Variants in WDR19 observed in about 807,000 individuals in gnomAD.
The protein encoded by WDR19 is WD repeat-containing protein 19.
A neutral mutation model predicts 180.0 loss-of-function variants in WDR19; 121 were observed. That is an observed-to-expected ratio of 0.67 (90% CI 0.58 to 0.78). WDR19 has a LOEUF of 0.78. WDR19 is among the 30% of genes least tolerant of loss of function. WDR19 has a pLI of 0.00. For synonymous variants in WDR19, 497 were observed against 540.7 expected (o/e 0.92, Z 1.12); for missense variants, 1,450 against 1,640.7 (o/e 0.88, Z 2.01).
chr4:39,188,618 C>CAA (rs60149380), intron 3 of WDR19, among the ~76,000 whole-genome samples: 36 of 81,104 alleles, frequency 4.4e-4, no homozygotes, highest in Middle Eastern at 6.5e-3. Flanking sequence ...GACCTTGTCT[C>CAA]AAAAAAAAAA....
chr4:39,246,292 G>A (rs1384825676), intron 24 of WDR19, among the ~76,000 whole-genome samples: 2 of 152,296 alleles, frequency 1.3e-5, no homozygotes, highest in South Asian at 2.1e-4. Context: ...GATCACTTGA[G>A]GCCAGGAGTT....
At chr4:39,233,871 G>A (rs1461419360) in intron 19 of WDR19, among the ~76,000 whole-genome samples, 1 of 152,170 alleles carries the variant, frequency 6.6e-6, no homozygotes, top group African/African-American at 2.4e-5. Flanking sequence ...TGTGCTGCTA[G>A]ACTTGGAAAG....
chr4:39,183,838 G>A (rs565852200), intron 1 of WDR19, among the ~76,000 whole-genome samples: 1 of 151,984 alleles, frequency 6.6e-6, no homozygotes, highest in Admixed American at 6.6e-5. Context: ...TCCTCTGCAC[G>A]GTATGTGGAG....
chr4:39,202,416 T>C (rs1309989506), intron 6 of WDR19, among the ~76,000 whole-genome samples: 1 of 152,164 alleles, frequency 6.6e-6, no homozygotes, highest in Non-Finnish European at 1.5e-5. Flanking sequence ...CTCATACATA[T>C]GAAAAAAATT....
chr4:39,214,571 AT>A (rs773289411), intron 9 of WDR19, 29 bp from the exon 10 acceptor site: 24 of 1,317,030 alleles, frequency 1.8e-5, no homozygotes, highest in Non-Finnish European at 2.5e-5. Context: ...GATCATATAT[AT>A]TTTTTAATAA....
chr4:39,184,447 C>T (rs1053166378), intron 1 of WDR19, among the ~76,000 whole-genome samples: 2 of 151,678 alleles, frequency 1.3e-5, no homozygotes, highest in African/African-American at 2.4e-5. Context: ...AACCTCACTG[C>T]TTTGTGTTTG....
chr4:39,273,256 A>G, intron 32 of WDR19, 195 bp downstream of exon 32: 6 of 541,434 alleles, frequency 1.1e-5, no homozygotes, highest in Non-Finnish European at 1.9e-5. Flanking sequence ...ACAAGAGTCA[A>G]CACACAGTAG....
At chr4:39,204,240 G>A (rs111342661) in intron 7 of WDR19, among the ~76,000 whole-genome samples, 45,736 of 151,666 alleles carry the variant, frequency 0.3, 6,959 homozygotes, top group Non-Finnish European at 0.31. Flanking sequence ...CATGCGCCAC[G>A]ACACCCAGCT....
At chr4:39,204,682 T>C (rs1727765118) in intron 7 of WDR19, among the ~76,000 whole-genome samples, 3 of 152,208 alleles carry the variant, frequency 2.0e-5, no homozygotes, top group South Asian at 2.1e-4. Flanking sequence ...GACACTAGTT[T>C]AGCCAACACT....
At chr4:39,205,480 A>C (rs1577872980) in intron 8 of WDR19, 83 bp from the exon 9 acceptor site, 2 of 1,436,848 alleles carry the variant, frequency 1.4e-6, no homozygotes, top group East Asian at 4.8e-5. Context: ...TAATTCCTTA[A>C]TTTTAAGGTA....
At chr4:39,193,670 C>T (rs1480340086) in intron 4 of WDR19, among the ~76,000 whole-genome samples, 1 of 152,178 alleles carries the variant, frequency 6.6e-6, no homozygotes, top group Non-Finnish European at 1.5e-5. Context: ...ACTCTTTTGT[C>T]CTTTTATCAC....
intron 15 of WDR19, 50 bp from the exon 16 acceptor site, chr4:39,228,160 T>A (rs761863227): frequency 1.9e-6 from 3 of 1,596,036 alleles, no homozygotes; most frequent in East Asian, 4.5e-5. Flanking sequence ...CGGCAAATGA[T>A]AATGATTCAA....
At chr4:39,191,562 G>C (rs1471861257) in intron 4 of WDR19, among the ~76,000 whole-genome samples, 1 of 152,186 alleles carries the variant, frequency 6.6e-6, no homozygotes, top group Non-Finnish European at 1.5e-5. Context: ...TACTCTTTTA[G>C]AATTATAGCG....
chr4:39,214,486 T>C, intron 9 of WDR19, 115 bp from the exon 10 acceptor site: 1 of 613,736 alleles, frequency 1.6e-6, no homozygotes, highest in Non-Finnish European at 2.9e-6. Flanking sequence ...GATCATTCTG[T>C]ACATCACATT....
intron 35 of WDR19, 75 bp downstream of exon 35, chr4:39,278,282 G>A (rs757153103): frequency 3.4e-5 from 47 of 1,379,564 alleles, no homozygotes; most frequent in African/African-American, 2.8e-4. Flanking sequence ...CTTTTCTTCC[G>A]AAGCATTCTT....
chr4:39,265,915 C>A, intron 28 of WDR19, 148 bp from the exon 29 acceptor site: 1 of 601,828 alleles, frequency 1.7e-6, no homozygotes, highest in Non-Finnish European at 2.9e-6. Context: ...GAAGAAAGGC[C>A]CTGATCCTAT....
chr4:39,236,778 C>T (rs1464692635), intron 20 of WDR19, among the ~76,000 whole-genome samples: 1 of 152,176 alleles, frequency 6.6e-6, no homozygotes, highest in East Asian at 1.9e-4. Flanking sequence ...ACAAATCTCT[C>T]TTGCCTTTGG....
intron 10 of WDR19, 133 bp from the exon 11 acceptor site, chr4:39,215,708 A>C: frequency 1.0e-6 from 1 of 963,638 alleles, no homozygotes; most frequent in Non-Finnish European, 1.4e-6. Flanking sequence ...AGTCTAAAAA[A>C]AAAACTACTT....
intron 9 of WDR19, among the ~76,000 whole-genome samples, chr4:39,210,397 A>G (rs1306243093): frequency 2.0e-5 from 3 of 152,238 alleles, no homozygotes; most frequent in Admixed American, 6.5e-5. Context: ...AGTGTAATCT[A>G]TGTCAGGTGC....
Sources: allele counts gnomAD v4.1 joint callset (sites outside exome capture counted in the v4.1 genomes callset), GRCh38; gene constraint gnomAD v4.1.1; transcripts MANE v1.5; gene names NCBI Gene and HGNC (gene_info 2026-07-23, HGNC 2026-07-21).